Variants in SLC45A2 observed in about 807,000 individuals in gnomAD.
The protein encoded by SLC45A2 is membrane-associated transporter protein.
Under a neutral mutation model 45.5 loss-of-function variants are expected in SLC45A2, and 36 were observed. That is an observed-to-expected ratio of 0.79 (90% confidence interval 0.61 to 1.04). The LOEUF (loss-of-function observed/expected upper bound fraction) is 1.04, where lower values mean the gene tolerates loss of function less well. Among genes scored for constraint, SLC45A2 ranks in the 50% least tolerant of loss-of-function variants. SLC45A2 has a pLI of 0.00. For synonymous variants in SLC45A2, 306 were observed against 269.3 expected, an observed-to-expected ratio of 1.14 and a Z score of -1.33; for missense variants, 719 against 671.0, an observed-to-expected ratio of 1.07 and a Z score of -0.79.
chr5:33,947,302 A>C lies in SLC45A2; in HGVS notation c.1229T>G (p.Leu410Arg). Residue 410 changes from leucine to arginine, a missense_variant, in exon 6 of 7, where the codon CTG becomes CGG. Coordinates refer to ENST00000296589, the MANE Select transcript of SLC45A2 (RefSeq NM_016180.5). ...GAAGAGCCCAATAAATCCCGTCCCC[A>C]GGCCAAACAGCAAATATCCCGTGAA... ...LYFTGYLLFG[L>R]GTGFIGLFPN... is the part of the protein sequence containing the mutation. 1 of 1,614,250 alleles carries C rather than the reference A, an allele frequency of 6.2e-7. No individual in the cohort carries two copies. Among genetic ancestry groups the C allele is most frequent in the Non-Finnish European group, 8.5e-7 (1 of 1,180,046 alleles).
chr5:33,979,313 T>G (rs895906187), intron 2 of SLC45A2, among the ~76,000 whole-genome samples: 1 of 152,248 alleles, frequency 6.6e-6, no homozygotes, highest in Non-Finnish European at 1.5e-5. Context: ...TTGAAAGAGT[T>G]ATCTATAGAC....
At chr5:33,947,105 C>G (rs750026748) in intron 6 of SLC45A2, 58 bp downstream of exon 6, 2 of 1,614,100 alleles carry the variant, frequency 1.2e-6, no homozygotes, top group Admixed American at 3.3e-5. Context: ...ACCAAATCCT[C>G]CCCAGCCTTC....
chr5:33,959,617 C>G (rs1434313699), intron 3 of SLC45A2, among the ~76,000 whole-genome samples: 4 of 152,140 alleles, frequency 2.6e-5, no homozygotes, highest in African/African-American at 7.2e-5. Flanking sequence ...AAAATAGGAG[C>G]TACTGTTGGA....
At chr5:33,961,965 T>G (rs777202683) in intron 3 of SLC45A2, among the ~76,000 whole-genome samples, 7 of 152,206 alleles carry the variant, frequency 4.6e-5, no homozygotes, top group Non-Finnish European at 1.0e-4. Context: ...CTGAGAGGCT[T>G]CCTACCCTAT....
intron 1 of SLC45A2, among the ~76,000 whole-genome samples, chr5:33,983,842 A>C (rs1180944797): frequency 6.6e-6 from 1 of 152,242 alleles, no homozygotes; most frequent in African/African-American, 2.4e-5. Context: ...GCAGCCAGTC[A>C]ATTTGATAAG....
At chr5:33,958,109 G>A (rs1053610749) in intron 3 of SLC45A2, among the ~76,000 whole-genome samples, 11 of 151,988 alleles carry the variant, frequency 7.2e-5, no homozygotes, top group African/African-American at 2.4e-4. Flanking sequence ...ATTTACAAGC[G>A]AAAAAGGTAC....
chr5:33,947,011 C>A (rs947183727), intron 6 of SLC45A2, 152 bp downstream of exon 6: 1 of 1,588,692 alleles, frequency 6.3e-7, no homozygotes, highest in Non-Finnish European at 8.5e-7. Context: ...CATGCCTGTA[C>A]CAGATCATGG....
At chr5:33,969,065 C>CTCTCTCTGTGTGTG in intron 2 of SLC45A2, among the ~76,000 whole-genome samples, 20 of 102,392 alleles carry the variant, frequency 2.0e-4, no homozygotes, top group Admixed American at 5.0e-4. Flanking sequence ...CTCTCTCTCT[C>CTCTCTCTGTGTGTG]TGTGTGTGTG....
chr5:33,984,323 C>A lies in SLC45A2; in HGVS notation c.261G>T (p.Val87=), dbSNP rs777719924. 3 of 1,614,108 alleles carry A rather than the reference C, an allele frequency of 1.9e-6. No homozygotes were observed. The highest frequency in any genetic ancestry group is 2.2e-5 in the South Asian group (2 of 91,088). The change falls in exon 1 of 7, where the codon GTG becomes GTT. Residue 87 remains valine, a synonymous_variant. Coordinates refer to ENST00000296589, the MANE Select transcript of SLC45A2 (RefSeq NM_016180.5). ...SPILGFLLQP[V]VGSASDHCRS... ...GGCAGTGGTCGCTGGCCGATCCGACCACGGGCTGCAGCAGGAATCCCAGGA... is the reference window on the plus strand; with the variant it reads ...GGCAGTGGTCGCTGGCCGATCCGACAACGGGCTGCAGCAGGAATCCCAGGA...
intron 2 of SLC45A2, among the ~76,000 whole-genome samples, chr5:33,969,063 C>CTCTGTGTGTG (rs1554055532): frequency 4.8e-5 from 3 of 62,770 alleles, no homozygotes; most frequent in Non-Finnish European, 1.1e-4. Flanking sequence ...CTCTCTCTCT[C>CTCTGTGTGTG]TCTGTGTGTG....
chr5:33,979,407 G>C lies in SLC45A2; in HGVS notation c.562+2829C>G, dbSNP rs550458569. On this transcript the variant is annotated intron_variant, in intron 2 of 6. Coordinates refer to ENST00000296589, the MANE Select transcript of SLC45A2 (RefSeq NM_016180.5). Reference sequence around the variant, plus strand: ...CTTATTATACAGATGAAGCCTCCATGTAGCAGGCTTCAGAGAGAATAGACT... The same window carrying C: ...CTTATTATACAGATGAAGCCTCCATCTAGCAGGCTTCAGAGAGAATAGACT... Among the ~76,000 whole-genome samples, 133 of 152,314 alleles carry C rather than the reference G, an allele frequency of 8.7e-4. No homozygotes were observed. In the Middle Eastern group the frequency reaches 0.014, roughly 16 times the overall value.
At chr5:33,946,954 T>C in intron 6 of SLC45A2, 2 of 1,477,158 alleles carry the variant, frequency 1.4e-6, no homozygotes, top group South Asian at 1.4e-5. Context: ...TGAGCAGGAG[T>C]TGAGAATAAG....
chr5:33,964,077 C>G lies in SLC45A2; in HGVS notation c.563-61G>C, dbSNP rs898464045. 3.9e-6 allele frequency: 6 copies of G among 1,537,948 alleles called. No individual in the cohort carries two copies. The African/African-American group carries it at 8.2e-5, about 21-fold the overall frequency. On this transcript the variant is annotated intron_variant, in intron 2 of 6. Coordinates refer to ENST00000296589, the MANE Select transcript of SLC45A2 (RefSeq NM_016180.5). ...CAAATTATCGTTCATTTTCCTCATG[C>G]ATAGACACTCCCCTTCAGTGGGAAA...
At chr5:33,947,060 A>G (rs1481862136) in intron 6 of SLC45A2, 103 bp downstream of exon 6, 14 of 1,611,952 alleles carry the variant, frequency 8.7e-6, no homozygotes, top group Non-Finnish European at 1.2e-5. Flanking sequence ...CTGTTTCAAG[A>G]ACCCTTATTT....
intron 4 of SLC45A2, among the ~76,000 whole-genome samples, chr5:33,953,111 G>T (rs1752165393): frequency 6.9e-6 from 1 of 145,190 alleles, no homozygotes; most frequent in Non-Finnish European, 1.5e-5. Flanking sequence ...CATTTGGGTT[G>T]GTTCCAAGTC....
At chr5:33,946,644 T>G (rs1751936840) in intron 6 of SLC45A2, 2 of 1,009,516 alleles carry the variant, frequency 2.0e-6, no homozygotes, top group South Asian at 8.5e-5. Context: ...GCTTTCCTTC[T>G]CACACATGGG....
chr5:33,969,428 C>T (rs1376374359), intron 2 of SLC45A2, among the ~76,000 whole-genome samples: 4 of 152,076 alleles, frequency 2.6e-5, no homozygotes, highest in African/African-American at 7.2e-5. Flanking sequence ...TAAAATATTG[C>T]TCACTGTTTC....
rs142595599 is a variant in SLC45A2 at position 33,966,917 on chromosome 5, T to C, written c.563-2901A>G. On this transcript the variant is annotated intron_variant, in intron 2 of 6. Transcript: ENST00000296589. Reference sequence around the variant, plus strand: ...TGGAATCGTGCCTGATTTCCATTCCTATCTTTGTGCTTTCTAGTCACATGC... The same window carrying C: ...TGGAATCGTGCCTGATTTCCATTCCCATCTTTGTGCTTTCTAGTCACATGC... Among the ~76,000 whole-genome samples, 14 of 152,310 alleles carry C rather than the reference T, an allele frequency of 9.2e-5. No individual in the cohort carries two copies. In the East Asian group the frequency reaches 1.2e-3, roughly 13 times the overall value.
At chr5:33,972,049 C>T (rs1288749685) in intron 2 of SLC45A2, 1 of 480,240 alleles carries the variant, frequency 2.1e-6, no homozygotes, top group Non-Finnish European at 4.2e-6. Context: ...GCCAGGACTG[C>T]AATTTCTTAA....
Sources: gnomAD v4.1 joint callset for allele counts (sites outside exome capture counted in the v4.1 genomes callset) on GRCh38, gnomAD v4.1.1 for gene constraint, MANE v1.5 for transcripts, NCBI Gene and HGNC (gene_info 2026-07-23, HGNC 2026-07-21) for gene names.